Variants in HECTD4 observed in about 807,000 individuals in gnomAD.
HECTD4 encodes the protein probable E3 ubiquitin-protein ligase HECTD4.
In HECTD4, 114 loss-of-function variants were observed where a neutral mutation model predicts 471.5. That is an observed-to-expected ratio of 0.24 (90% CI 0.21 to 0.28). The LOEUF is 0.28. Ranked by LOEUF, HECTD4 falls within the 10% of genes least tolerant of loss-of-function variation. The pLI is 1.00. For missense variants in HECTD4, 3,866 were observed against 5,651.5 expected (o/e 0.68, Z 10.13); for synonymous variants, 2,012 against 2,256.0 (o/e 0.89, Z 3.07).
At chr12:112,361,852 A>T (rs1193227138) in intron 1 of HECTD4, among the ~76,000 whole-genome samples, 1 of 152,026 alleles carries the variant, frequency 6.6e-6, no homozygotes, top group African/African-American at 2.4e-5. Flanking sequence ...ACAACAAAAA[A>T]CTCTACAATA....
intron 29 of HECTD4, 24 bp from the exon 30 acceptor site, chr12:112,244,033 G>C (rs945826659): frequency 6.2e-7 from 1 of 1,612,264 alleles, no homozygotes; most frequent in African/African-American, 1.3e-5. Flanking sequence ...GAATAAAAAG[G>C]CTGACATTTC....
Position 112,184,348 on chromosome 12 carries a change from G to C in HECTD4, c.10618C>G (p.Leu3540Val). ...VSSQESLDIS[L>V]CSTGSLGSLG... ...CTGCCCAGGCTGCCGGTGCTGCACA[G>C]GGAAATGTCCAGGCTTTCCTGGCTG... The change falls in exon 61 of 76, where the codon CTG becomes GTG. Residue 3540 changes from leucine to valine, a missense_variant. Physicochemically the swap from Leu to Val is conservative, Grantham distance 32. This residue lies in a region of HECTD4 where 192 missense variants were observed against 189.9 expected (regional missense o/e 1.01). Transcript: ENST00000682272. The surrounding 1 kb of genome is among the most constrained non-coding windows in gnomAD (Gnocchi z 9.1). The C allele has an allele frequency of 1.2e-6, 2 of 1,612,860 alleles. No homozygotes were observed. The highest frequency in any genetic ancestry group is 1.7e-6 in the Non-Finnish European group (2 of 1,179,774).
chr12:112,169,555 G>T lies in HECTD4; in HGVS notation c.12156C>A (p.Asp4052Glu). Reference protein sequence around the residue: ...QLCVKLASGGDPTYAFNIRFT... With the variant: ...QLCVKLASGGEPTYAFNIRFT... ...AGCGGATGTTGAAGGCATATGTGGG[G>T]TCACCGCCACTGGCCAGCTTGACGC... The change falls in exon 70 of 76, where the codon GAC (aspartate) becomes GAA (glutamate). Residue 4052 changes from aspartate to glutamate, a missense_variant. Coordinates refer to ENST00000682272, the MANE Select transcript of HECTD4 (RefSeq NM_001388303.1). 1 of 1,613,472 alleles carries T rather than the reference G, an allele frequency of 6.2e-7. No individual in the cohort carries two copies. The highest frequency in any genetic ancestry group is 8.5e-7 in the Non-Finnish European group (1 of 1,179,870).
intron 44 of HECTD4, among the ~76,000 whole-genome samples, chr12:112,225,551 T>C (rs1273843587): frequency 4.3e-5 from 6 of 139,678 alleles, no homozygotes; most frequent in Non-Finnish European, 6.1e-5. Flanking sequence ...ATGAACATGG[T>C]AAATGACACC....
At chr12:112,181,739 C>T (rs2031673984) in intron 62 of HECTD4, among the ~76,000 whole-genome samples, 1 of 152,216 alleles carries the variant, frequency 6.6e-6, no homozygotes, top group South Asian at 2.1e-4. Flanking sequence ...GGATTACAGG[C>T]ATGAGCCACC....
At position 112,319,874 on chromosome 12, in the gene HECTD4, C is replaced by T. The variant is rs2035550046; in HGVS notation, c.178-132G>A. 11 of 616,094 alleles carry T rather than the reference C, an allele frequency of 1.8e-5. No homozygotes were observed. The highest frequency in any genetic ancestry group is 1.7e-4 in the South Asian group (2 of 11,582). The allele number at this position is 616,094 out of a possible 1,614,324, so 38.2% of individuals were successfully genotyped here. ...ATTTTAATTACAATCAAATGGAAAA[C>T]GTATACTGTAAAGCCAGCTCTTTGC... is the stretch of plus-strand genomic sequence containing the variant. On this transcript the variant is annotated intron_variant, in intron 1 of 75. Transcript: ENST00000682272. This position sits in a 1 kb window ranked among gnomAD's most constrained non-coding sequence, Gnocchi z 5.3.
chr12:112,258,502 T>G lies in HECTD4; in HGVS notation c.3122A>C (p.Asp1041Ala). 1 of 1,585,094 alleles carries G rather than the reference T, an allele frequency of 6.3e-7. No individual in the cohort carries two copies. Among genetic ancestry groups the G allele is most frequent in the Non-Finnish European group, 8.6e-7 (1 of 1,168,778 alleles). ...APDQKCRLFPDERMLEEKEEP... is the reference protein window; with the variant it reads ...APDQKCRLFPAERMLEEKEEP... ...AGGAAGCAGCATTCATTACCTCTCATCAGGGAACAGCCTGCACTTCTGGTC... is the reference window on the plus strand; with the variant it reads ...AGGAAGCAGCATTCATTACCTCTCAGCAGGGAACAGCCTGCACTTCTGGTC... The change falls in exon 20 of 76, where the codon GAT becomes GCT. Residue 1041 changes from aspartate (D) to alanine (A), a missense_variant. Physicochemically the swap from Asp to Ala is moderately radical, Grantham distance 126 (BLOSUM62 -2). Coordinates refer to ENST00000682272, the MANE Select transcript of HECTD4 (RefSeq NM_001388303.1).
intron 1 of HECTD4, among the ~76,000 whole-genome samples, chr12:112,343,409 G>A (rs1299356194): frequency 6.6e-6 from 1 of 152,184 alleles, no homozygotes; most frequent in East Asian, 1.9e-4. Flanking sequence ...GTACAAAGCA[G>A]TAATATGCAC....
chr12:112,205,332 G>A (rs1255116416), intron 52 of HECTD4, among the ~76,000 whole-genome samples: 1 of 152,014 alleles, frequency 6.6e-6, no homozygotes, highest in Non-Finnish European at 1.5e-5. Context: ...CACTCGGGAG[G>A]CTGAGGCAGG....
chr12:112,356,425 T>C (rs1426932911), intron 1 of HECTD4, among the ~76,000 whole-genome samples: 2 of 152,102 alleles, frequency 1.3e-5, no homozygotes, highest in Admixed American at 6.6e-5. Flanking sequence ...TGTGTGTTTT[T>C]TGTTTGTTTG....
chr12:112,193,327 T>C lies in HECTD4; in HGVS notation c.8956-136A>G. On this transcript the variant is annotated intron_variant, in intron 57 of 75. Coordinates refer to ENST00000682272, the MANE Select transcript of HECTD4 (RefSeq NM_001388303.1). The surrounding 1 kb of genome is among the most constrained non-coding windows in gnomAD (Gnocchi z 5.2). ...GGAAGGAAGCAAGCTACAGATGAGA[T>C]AAAGCAGAAAAGCTTCTAGGAAAAG... 1 of 1,356,864 alleles carries C rather than the reference T, an allele frequency of 7.4e-7. No homozygotes were observed. The highest frequency in any genetic ancestry group is 1.0e-6 in the Non-Finnish European group (1 of 985,456). The allele number at this position is 1,356,864 out of a possible 1,614,324, so 84.1% of individuals were successfully genotyped here.
chr12:112,165,982 G>T (rs1363880664), intron 72 of HECTD4, among the ~76,000 whole-genome samples: 1 of 152,158 alleles, frequency 6.6e-6, no homozygotes, highest in Non-Finnish European at 1.5e-5. Flanking sequence ...GATACAAGTC[G>T]AGAGCACTTC....
intron 72 of HECTD4, among the ~76,000 whole-genome samples, chr12:112,165,218 C>G (rs1424568499): frequency 6.7e-6 from 1 of 150,316 alleles, no homozygotes; most frequent in Non-Finnish European, 1.5e-5. Flanking sequence ...CGCCTGTCCT[C>G]TTTCTTTTTT....
At chr12:112,302,357 T>C in intron 7 of HECTD4, 1 of 757,494 alleles carries the variant, frequency 1.3e-6, no homozygotes. Flanking sequence ...TTGCTTTGTC[T>C]CTGGTCTGTA....
chr12:112,296,350 G>A (rs2035013562), intron 7 of HECTD4, among the ~76,000 whole-genome samples: 1 of 151,548 alleles, frequency 6.6e-6, no homozygotes, highest in African/African-American at 2.4e-5. Context: ...GGGTGCAGAG[G>A]GTATAGGCGC....
chr12:112,185,114 G>A lies in HECTD4; in HGVS notation c.9852C>T (p.Thr3284=), dbSNP rs1026875459. Residue 3284 remains threonine, a synonymous_variant, in exon 61 of 76, where the codon ACC becomes ACT. Coordinates refer to ENST00000682272, the MANE Select transcript of HECTD4 (RefSeq NM_001388303.1). ...SVTASGVTSA[T]APNLSDSSSS... is the part of the protein sequence containing the mutation. ...AGGACGAGTCACTGAGATTTGGGGC[G>A]GTCGCTGAGGTCACCCCACTGGCTG... 1.9e-6 allele frequency: 3 copies of A among 1,560,092 alleles called. No homozygotes were observed. The highest frequency in any genetic ancestry group is 2.6e-6 in the Non-Finnish European group (3 of 1,151,586).
chr12:112,302,679 T>A lies in HECTD4; in HGVS notation c.1335+3385A>T, dbSNP rs2084640781. 7.9e-6 allele frequency: 4 copies of A among 505,724 alleles called. No homozygotes were observed. The South Asian group carries it at 1.1e-4, about 14-fold the overall frequency. The allele number at this position is 505,724 out of a possible 1,614,324, so 31.3% of individuals were successfully genotyped here. ...TCTTTCCTTTCAGCGTCTTGGGCAG[T>A]GGGAGGCCAGTTAGCTGTTTTTTAA... On this transcript the variant is annotated intron_variant, in intron 7 of 75. Coordinates refer to ENST00000682272, the MANE Select transcript of HECTD4 (RefSeq NM_001388303.1).
intron 7 of HECTD4, among the ~76,000 whole-genome samples, chr12:112,291,301 C>G (rs1228605196): frequency 6.6e-6 from 1 of 152,086 alleles, no homozygotes; most frequent in African/African-American, 2.4e-5. Context: ...TGTCATTTCA[C>G]CCCCACATAT....
chr12:112,377,007 G>C (rs2036793956), intron 1 of HECTD4, among the ~76,000 whole-genome samples: 4 of 152,158 alleles, frequency 2.6e-5, no homozygotes, highest in Admixed American at 2.6e-4. Context: ...AGCTCCTCAG[G>C]GGGCTGAGGC....
Sources: gnomAD v4.1 joint callset for allele counts (sites outside exome capture counted in the v4.1 genomes callset) on GRCh38, gnomAD v4.1.1 for gene constraint, gnomAD v4.1.1 regional missense constraint, Gnocchi (gnomAD v3.1) non-coding constraint, MANE v1.5 for transcripts, NCBI Gene and HGNC (gene_info 2026-07-23, HGNC 2026-07-21) for gene names.